TEAD2: variants seen among roughly 807,000 people sequenced by gnomAD.
TEAD2 encodes TEA domain transcription factor 2.
TEAD2 carries 51 observed loss-of-function variants against 61.4 expected under a neutral mutation model. The observed-to-expected ratio is 0.83, with a 90% CI of 0.66 to 1.05. The LOEUF is 1.05. Among genes scored for constraint, TEAD2 ranks in the 50% least tolerant of loss-of-function variants. TEAD2 has a pLI of 0.00. For missense variants in TEAD2, 509 were observed against 600.0 expected, an observed-to-expected ratio of 0.85 and a Z score of 1.58; for synonymous variants, 244 against 243.2, an observed-to-expected ratio of 1.00 and a Z score of -0.03.
At chr19:49,353,949 T>A (rs1972191263) in intron 7 of TEAD2, among the ~76,000 whole-genome samples, 1 of 106,892 alleles carries the variant, frequency 9.4e-6, no homozygotes, top group Non-Finnish European at 1.9e-5. Context: ...CCCAGCTAAT[T>A]GTTTTTTGTT....
rs369565484 is a variant in TEAD2, at chr19:49,348,821, G to A, written c.629C>T (p.Ser210Leu). ...LPGYEPPQALSPLPPPTPSPP... is the reference protein window; with the variant it reads ...LPGYEPPQALLPLPPPTPSPP... ...CGATGGGGTAGGTGGGGGCAGGGGT[G>A]AGAGGGCTTGGGGGGGCTCGTACCC... The change falls in exon 9 of 13, where the codon TCA (serine) becomes TTA (leucine). Residue 210 changes from serine (S) to leucine (L), a missense_variant. Physicochemically the swap from Ser to Leu is moderately radical, Grantham distance 145. Transcript: ENST00000593945. 8 of 1,589,096 alleles carry A rather than the reference G, an allele frequency of 5.0e-6. No homozygotes were observed. The highest frequency in any genetic ancestry group is 6.0e-6 in the Non-Finnish European group (7 of 1,170,418).
At chr19:49,352,197 T>C (rs1209449227) in intron 7 of TEAD2, among the ~76,000 whole-genome samples, 1 of 152,128 alleles carries the variant, frequency 6.6e-6, no homozygotes. Context: ...AAATGTTCTA[T>C]TGGATGGAAA....
intron 12 of TEAD2, among the ~76,000 whole-genome samples, chr19:49,342,020 C>T (rs950130077): frequency 9.2e-5 from 14 of 152,064 alleles, no homozygotes; most frequent in Non-Finnish European, 1.8e-4. Flanking sequence ...GGTGAAACCC[C>T]ATCTCTACTA....
At chr19:49,352,088 G>T (rs1173662770) in intron 7 of TEAD2, among the ~76,000 whole-genome samples, 4 of 151,814 alleles carry the variant, frequency 2.6e-5, no homozygotes, top group Non-Finnish European at 5.9e-5. Context: ...TGAGGGGTTG[G>T]GAGGGTGGGA....
rs1447564576 is a variant in TEAD2 at position 49,360,980 on chromosome 19, G to GAGA, written c.-6-902_-6-900dup. Among the ~76,000 whole-genome samples the GAGA allele has an allele frequency of 2.9e-5, 3 of 103,018 alleles. 1 individual carries two copies. Among genetic ancestry groups the GAGA allele is most frequent in the African/African-American group, 1.2e-4 (3 of 24,988 alleles). The allele number at this position is 103,018 out of a possible 152,430, so 67.6% of individuals were successfully genotyped here. A position where few individuals can be genotyped will look rare whatever the true frequency, so the allele number is the denominator to read the frequency against. ...CAGTGACGGAGGGGACAGAGACCCAGAGAGAGAGGGGGACAGAGACCAGAG... is the reference window on the plus strand; with the variant it reads ...CAGTGACGGAGGGGACAGAGACCCAGAGAAGAGAGAGGGGGACAGAGACCAGAG... On this transcript the variant is annotated intron_variant, in intron 1 of 12. Coordinates refer to ENST00000593945, the MANE Select transcript of TEAD2 (RefSeq NM_001256660.2).
At chr19:49,353,670 A>G (rs1972169455) in intron 7 of TEAD2, among the ~76,000 whole-genome samples, 1 of 146,306 alleles carries the variant, frequency 6.8e-6, no homozygotes, top group South Asian at 2.3e-4. Flanking sequence ...CCCCTGCAAA[A>G]CCCTCAGCCC....
At chr19:49,355,699 C>T (rs551427338) in intron 5 of TEAD2, among the ~76,000 whole-genome samples, 2 of 152,216 alleles carry the variant, frequency 1.3e-5, no homozygotes, top group East Asian at 3.9e-4. Context: ...TGGTGGTGCA[C>T]ACGCATAATC....
intron 6 of TEAD2, 26 bp downstream of exon 6, chr19:49,355,286 G>A (rs369455016): frequency 2.0e-5 from 32 of 1,613,610 alleles, no homozygotes; most frequent in East Asian, 1.6e-4. Flanking sequence ...TTGCCCCCAC[G>A]TCCCACAATC....
intron 12 of TEAD2, among the ~76,000 whole-genome samples, chr19:49,342,171 G>A (rs1009349229): frequency 5.3e-5 from 8 of 151,768 alleles, no homozygotes; most frequent in South Asian, 2.1e-4. Context: ...CAGCCTGGGC[G>A]ACAGAGCGAG....
intron 12 of TEAD2, 62 bp downstream of exon 12, chr19:49,342,376 C>A: frequency 6.4e-7 from 1 of 1,573,880 alleles, no homozygotes; most frequent in South Asian, 1.1e-5. Context: ...GACTGAGGGT[C>A]TGTTATAGGT....
chr19:49,356,109 A>G, intron 4 of TEAD2, 139 bp from the exon 5 acceptor site: 2 of 607,990 alleles, frequency 3.3e-6, no homozygotes. Flanking sequence ...CAAGGGATGG[A>G]TGCGCAACAG....
intron 7 of TEAD2, among the ~76,000 whole-genome samples, chr19:49,352,820 A>T (rs529660755): frequency 6.6e-6 from 1 of 151,738 alleles, no homozygotes; most frequent in South Asian, 2.1e-4. Flanking sequence ...GATTACAGGC[A>T]TGAGCCACTA....
rs114722106 is a variant in TEAD2 at position 49,350,305 on chromosome 19, T to G, written c.604+996A>C. Among the ~76,000 whole-genome samples the G allele has an allele frequency of 5.6e-3, 852 of 152,250 alleles. 8 individuals are homozygous for G. Among genetic ancestry groups the G allele is most frequent in the African/African-American group, 0.019 (793 of 41,544 alleles). On this transcript the variant is annotated intron_variant, in intron 8 of 12. Coordinates refer to ENST00000593945, the MANE Select transcript of TEAD2 (RefSeq NM_001256660.2). ...AACCAATAAATCAATACATTTTTCT[T>G]ATTATTTTTTATTTTATTTATTTAT...
chr19:49,358,132 G>T (rs548748929), intron 3 of TEAD2, among the ~76,000 whole-genome samples: 1 of 152,224 alleles, frequency 6.6e-6, no homozygotes, highest in African/African-American at 2.4e-5. Context: ...TACTCAGGAG[G>T]CTGAAGCAAG....
At chr19:49,362,152 A>G (rs1050537646) in intron 1 of TEAD2, among the ~76,000 whole-genome samples, 181 bp downstream of exon 1, 4 of 152,072 alleles carry the variant, frequency 2.6e-5, no homozygotes, top group African/African-American at 9.7e-5. Flanking sequence ...GCGCACGCCC[A>G]AACTCAGACC....
chr19:49,341,329 C>A lies in TEAD2; in HGVS notation c.1351G>T (p.Asp451Tyr). 6.2e-7 allele frequency: 1 copy of A among 1,613,822 alleles called. No homozygotes were observed. The highest frequency in any genetic ancestry group is 1.1e-5 in the South Asian group (1 of 91,070). Reference sequence around the variant, plus strand: ...GCCAGTTTTGGGGTCCCCCTTCAGTCCCTGACCAGGCGGTAAATGTGATGC... The same window carrying A: ...GCCAGTTTTGGGGTCCCCCTTCAGTACCTGACCAGGCGGTAAATGTGATGC... ...AQHHIYRLVR[D>Y] is the part of the protein sequence containing the mutation. Residue 451 changes from aspartate (D) to tyrosine (Y), a missense_variant, in exon 13 of 13, where the codon GAC becomes TAC. Asp to Tyr is a radical substitution (Grantham distance 160, BLOSUM62 -3). Coordinates refer to ENST00000593945, the MANE Select transcript of TEAD2 (RefSeq NM_001256660.2). This position sits in a 1 kb window ranked among gnomAD's most constrained non-coding sequence, Gnocchi z 4.2.
chr19:49,348,638 C>T, intron 9 of TEAD2, 65 bp downstream of exon 9: 1 of 1,401,222 alleles, frequency 7.1e-7, no homozygotes, highest in Non-Finnish European at 1.0e-6. Context: ...TGACTTTATA[C>T]ATTCCCTTCC....
Position 49,340,780 on chromosome 19 carries a change from T to TA in TEAD2, c.*543dup, listed in dbSNP as rs11418227. ...CCCACTTATAAATATCTCGTTATATTAAAAAAAAAAAAAATGTCCAGGGCC... is the reference window on the plus strand; with the variant it reads ...CCCACTTATAAATATCTCGTTATATTAAAAAAAAAAAAAAATGTCCAGGGCC... On this transcript the variant is annotated 3_prime_UTR_variant, in exon 13 of 13. Transcript: ENST00000593945. The TA allele has an allele frequency of 0.24, 41,936 of 173,616 alleles. 4,763 individuals carry two copies. Among genetic ancestry groups the TA allele is most frequent in the South Asian group, 0.37 (3,227 of 8,638 alleles). The allele number at this position is 173,616 out of a possible 1,614,324, so 10.8% of individuals were successfully genotyped here.
chr19:49,343,350 T>A lies in TEAD2; in HGVS notation c.970A>T (p.Ser324Cys), dbSNP rs921454553. Residue 324 changes from serine to cysteine, a missense_variant, in exon 11 of 13, where the codon AGC becomes TGC. Physicochemically the swap from Ser to Cys is moderately radical, Grantham distance 112 (BLOSUM62 -1). Transcript: ENST00000593945. Reference sequence around the variant, plus strand: ...CCGTAGAAGCCACCACTGCTGATGCTGCCACCGGCCCCTGCCTCCTCACCA... The same window carrying A: ...CCGTAGAAGCCACCACTGCTGATGCAGCCACCGGCCCCTGCCTCCTCACCA... ...PSGEEAGAGGSISSGGFYGVS... is the reference protein window; with the variant it reads ...PSGEEAGAGGCISSGGFYGVS... The A allele has an allele frequency of 6.2e-7, 1 of 1,613,556 alleles. No individual in the cohort carries two copies. The highest frequency in any genetic ancestry group is 8.5e-7 in the Non-Finnish European group (1 of 1,179,884).
Sources: allele counts gnomAD v4.1 joint callset (sites outside exome capture counted in the v4.1 genomes callset), GRCh38; gene constraint gnomAD v4.1.1; non-coding constraint Gnocchi (gnomAD v3.1); transcripts MANE v1.5; gene names NCBI Gene and HGNC (gene_info 2026-07-23, HGNC 2026-07-21).